VPS13B: variants seen among roughly 807,000 people sequenced by gnomAD.
VPS13B encodes intermembrane lipid transfer protein VPS13B.
Under a neutral mutation model 426.4 loss-of-function variants are expected in VPS13B, and 285 were observed. That is an observed-to-expected ratio of 0.67 (90% confidence interval 0.61 to 0.74). The LOEUF is 0.74. VPS13B is among the 30% of genes least tolerant of loss of function. VPS13B has a pLI of 0.00. For synonymous variants in VPS13B, 1,676 were observed against 1,676.4 expected (o/e 1.00, Z 0.01); for missense variants, 4,537 against 4,782.6 (o/e 0.95, Z 1.51).
chr8:99,176,910 C>T (rs765614094), intron 16 of VPS13B, among the ~76,000 whole-genome samples: 1 of 152,078 alleles, frequency 6.6e-6, no homozygotes, highest in Non-Finnish European at 1.5e-5. Context: ...AGAGGTTTGG[C>T]TTAAAAAATT....
chr8:99,420,502 G>T (rs1379982641), intron 21 of VPS13B, among the ~76,000 whole-genome samples: 1 of 152,128 alleles, frequency 6.6e-6, no homozygotes, highest in Non-Finnish European at 1.5e-5. Flanking sequence ...TAATGCTGTG[G>T]CTTGGAATTT....
intron 17 of VPS13B, among the ~76,000 whole-genome samples, chr8:99,206,714 G>A (rs1042482527): frequency 2.0e-5 from 3 of 152,110 alleles, no homozygotes; most frequent in Non-Finnish European, 2.9e-5. Context: ...ATAAAGTTAT[G>A]GAGGTATTCT....
intron 33 of VPS13B, among the ~76,000 whole-genome samples, chr8:99,634,494 CTT>C (rs746085201): frequency 6.6e-6 from 1 of 151,972 alleles, no homozygotes; most frequent in Non-Finnish European, 1.5e-5. Flanking sequence ...CTGTAGTACT[CTT>C]TATCTTTCTG....
rs926072971 is a variant in VPS13B at position 99,783,573 on chromosome 8, AT to A, written c.7780-741del. On this transcript the variant is annotated intron_variant, in intron 42 of 61. Coordinates refer to ENST00000357162, the MANE Select transcript of VPS13B (RefSeq NM_152564.5). ...GGCACCATTAAATGAGAAAGGAGTTATCAACAAAGGAACGTATTATTAATTT... is the reference window on the plus strand; with the variant it reads ...GGCACCATTAAATGAGAAAGGAGTTACAACAAAGGAACGTATTATTAATTT... Among the ~76,000 whole-genome samples the A allele has an allele frequency of 2.6e-5, 4 of 152,322 alleles. No homozygotes were observed. In the East Asian group the frequency reaches 5.8e-4, roughly 22 times the overall value.
At chr8:99,706,318 C>T (rs1464042884) in intron 36 of VPS13B, among the ~76,000 whole-genome samples, 1 of 152,116 alleles carries the variant, frequency 6.6e-6, no homozygotes, top group Non-Finnish European at 1.5e-5. Flanking sequence ...TTATTAATGA[C>T]GAGTTCAAGG....
Position 99,275,148 on chromosome 8 carries a change from C to T in VPS13B, c.2718C>T (p.Ser906=). 1.2e-6 allele frequency: 2 copies of T among 1,612,802 alleles called. No homozygotes were observed. The highest frequency in any genetic ancestry group is 1.7e-6 in the Non-Finnish European group (2 of 1,179,272). Residue 906 remains serine, a synonymous_variant, in exon 19 of 62, where the codon AGC becomes AGT. Coordinates refer to ENST00000357162, the MANE Select transcript of VPS13B (RefSeq NM_152564.5). ...QGPSDTKDLH[S]TKWLNESRKP... is the part of the protein sequence containing the mutation. ...CTTCTGACACTAAAGACCTTCATAG[C>T]ACCAAGTGGCTCAATGAGAGTAGAA...
chr8:99,374,479 T>C (rs532533695), intron 19 of VPS13B, among the ~76,000 whole-genome samples: 1 of 152,288 alleles, frequency 6.6e-6, no homozygotes, highest in South Asian at 2.1e-4. Flanking sequence ...TTAAAGTCCT[T>C]GTTTGATAAT....
chr8:99,544,262 A>G (rs1192536905), intron 30 of VPS13B, among the ~76,000 whole-genome samples: 1 of 152,046 alleles, frequency 6.6e-6, no homozygotes, highest in African/African-American at 2.4e-5. Flanking sequence ...GAACTGAACA[A>G]TGAGAACACT....
chr8:99,141,604 A>G (rs1418667764), intron 12 of VPS13B, among the ~76,000 whole-genome samples: 1 of 152,196 alleles, frequency 6.6e-6, no homozygotes, highest in African/African-American at 2.4e-5. Context: ...TATTAATCAT[A>G]CATCTTACAA....
chr8:99,489,161 T>C (rs1230077442), intron 25 of VPS13B, among the ~76,000 whole-genome samples: 4 of 152,198 alleles, frequency 2.6e-5, no homozygotes, highest in Non-Finnish European at 5.9e-5. Flanking sequence ...TGTTACTTGT[T>C]TTTGTCAGGT....
At chr8:99,098,395 A>AT (rs1353506394) in intron 4 of VPS13B, among the ~76,000 whole-genome samples, 1 of 151,996 alleles carries the variant, frequency 6.6e-6, no homozygotes, top group Non-Finnish European at 1.5e-5. Context: ...TATAACCTAA[A>AT]TTTTTCATTT....
At chr8:99,480,508 G>A (rs539999112) in intron 24 of VPS13B, among the ~76,000 whole-genome samples, 16 of 152,090 alleles carry the variant, frequency 1.1e-4, no homozygotes, top group African/African-American at 3.6e-4. Flanking sequence ...AAACTGGTTT[G>A]CAACAAAATT....
Position 99,736,526 on chromosome 8 carries a change from T to C in VPS13B, c.7050+15479T>C, listed in dbSNP as rs1010336421. 7.9e-5 allele frequency among the ~76,000 whole-genome samples: 12 copies of C among 152,226 alleles called. No individual in the cohort carries two copies. The South Asian group carries it at 8.3e-4, about 11-fold the overall frequency. On this transcript the variant is annotated intron_variant, in intron 39 of 61. Transcript: ENST00000357162. ...GAGGCAGATGTTGCAGTGAGCTGGATCACACCACTGCATTCCAGTCTAGGC... is the reference window on the plus strand; with the variant it reads ...GAGGCAGATGTTGCAGTGAGCTGGACCACACCACTGCATTCCAGTCTAGGC...
At chr8:99,245,921 A>G (rs1376042064) in intron 17 of VPS13B, among the ~76,000 whole-genome samples, 1 of 152,214 alleles carries the variant, frequency 6.6e-6, no homozygotes, top group Non-Finnish European at 1.5e-5. Flanking sequence ...AACATTAGGA[A>G]ATTGTTCTTG....
In VPS13B at chr8:99,275,239, T is replaced by C. The variant is rs1326202460; in HGVS notation, c.2809T>C (p.Tyr937His). Residue 937 changes from tyrosine to histidine, a missense_variant, in exon 19 of 62, where the codon TAC becomes CAC. By Grantham distance (83) the Tyr-to-His change is moderately conservative (BLOSUM62 2). Transcript: ENST00000357162. ...AATCCAAGTTCCACAATATATTGAC[T>C]ACTGCCACAATTCCGGTAAGTACAA... ...FTIQVPQYID[Y>H]CHNSGAVLLC... The C allele has an allele frequency of 6.2e-7, 1 of 1,608,688 alleles. No homozygotes were observed. The highest frequency in any genetic ancestry group is 8.5e-7 in the Non-Finnish European group (1 of 1,177,274).
chr8:99,135,233 A>G (rs1441134791), intron 10 of VPS13B, 96 bp downstream of exon 10: 2 of 1,514,510 alleles, frequency 1.3e-6, no homozygotes, highest in African/African-American at 2.8e-5. Context: ...TAGACTATAT[A>G]TATCTCAGGC....
intron 15 of VPS13B, among the ~76,000 whole-genome samples, chr8:99,168,652 A>T (rs1812154936): frequency 6.6e-6 from 1 of 152,038 alleles, no homozygotes; most frequent in African/African-American, 2.4e-5. Flanking sequence ...TATTGCTCAG[A>T]ACAGGTCTTC....
At chr8:99,242,497 A>G (rs1015285737) in intron 17 of VPS13B, among the ~76,000 whole-genome samples, 4 of 152,194 alleles carry the variant, frequency 2.6e-5, no homozygotes, top group African/African-American at 9.6e-5. Flanking sequence ...GTTTATAAAT[A>G]TTTGCAAATG....
At chr8:99,136,897 C>T (rs998491482) in intron 12 of VPS13B, 145 bp downstream of exon 12, 7 of 790,582 alleles carry the variant, frequency 8.9e-6, no homozygotes, top group Non-Finnish European at 1.5e-5. Flanking sequence ...ATTTTAACAT[C>T]ATGTTAGAAT....
Sources: allele counts gnomAD v4.1 joint callset (sites outside exome capture counted in the v4.1 genomes callset), GRCh38; gene constraint gnomAD v4.1.1; transcripts MANE v1.5; gene names NCBI Gene and HGNC (gene_info 2026-07-23, HGNC 2026-07-21).